Variants in NBEA observed in about 807,000 individuals in gnomAD.
NBEA encodes neurobeachin.
NBEA carries 44 observed loss-of-function variants against 343.4 expected under a neutral mutation model. That is an observed-to-expected ratio of 0.13 (90% confidence interval 0.10 to 0.16). NBEA has a LOEUF of 0.16. Ranked by LOEUF, NBEA falls within the 10% of genes least tolerant of loss-of-function variation. The pLI is 1.00. For synonymous variants in NBEA, 1,175 were observed against 1,238.7 expected (o/e 0.95, Z 1.08); for missense variants, 2,555 against 3,631.3 (o/e 0.70, Z 7.62).
intron 41 of NBEA, among the ~76,000 whole-genome samples, chr13:35,517,692 G>A (rs527368215): frequency 2.0e-5 from 3 of 152,122 alleles, no homozygotes; most frequent in South Asian, 2.1e-4. Flanking sequence ...CCAATCAAAC[G>A]TGTGTATTTC....
At chr13:35,459,282 C>G (rs887307368) in intron 40 of NBEA, among the ~76,000 whole-genome samples, 5 of 151,868 alleles carry the variant, frequency 3.3e-5, no homozygotes, top group African/African-American at 1.2e-4. Flanking sequence ...AGCTATTGTT[C>G]TACTAGTTCA....
intron 27 of NBEA, among the ~76,000 whole-genome samples, chr13:35,176,476 A>G (rs1457698803): frequency 2.0e-5 from 3 of 152,082 alleles, no homozygotes; most frequent in Non-Finnish European, 4.4e-5. Context: ...TCCTCCAACT[A>G]TAAAATGTTT....
intron 1 of NBEA, among the ~76,000 whole-genome samples, chr13:34,957,811 C>G (rs2059545726): frequency 6.6e-6 from 1 of 152,096 alleles, no homozygotes; most frequent in Admixed American, 6.6e-5. Flanking sequence ...CCTAGCTAAT[C>G]TTAAATAACT....
chr13:35,392,647 T>C (rs971141599), intron 38 of NBEA, among the ~76,000 whole-genome samples: 4 of 152,164 alleles, frequency 2.6e-5, no homozygotes, highest in Admixed American at 6.6e-5. Context: ...AGAAAAACTA[T>C]GATTTGCAAA....
intron 38 of NBEA, among the ~76,000 whole-genome samples, chr13:35,426,300 C>A (rs1351020962): frequency 2.0e-5 from 3 of 152,088 alleles, no homozygotes; most frequent in Admixed American, 1.3e-4. Context: ...TGTTCCTTTC[C>A]ATGTTTAGTG....
At chr13:35,495,020 A>C (rs2076628011) in intron 41 of NBEA, among the ~76,000 whole-genome samples, 1 of 151,976 alleles carries the variant, frequency 6.6e-6, no homozygotes, top group African/African-American at 2.4e-5. Context: ...AAAAAAAAGA[A>C]AAGAAAAGAA....
chr13:34,951,279 A>G (rs899303314), intron 1 of NBEA, among the ~76,000 whole-genome samples: 1 of 152,258 alleles, frequency 6.6e-6, no homozygotes, highest in Non-Finnish European at 1.5e-5. Flanking sequence ...ATGAAATAAC[A>G]TACAGCTATT....
chr13:35,013,359 T>C (rs1227423071), intron 1 of NBEA, among the ~76,000 whole-genome samples: 1 of 152,164 alleles, frequency 6.6e-6, no homozygotes, highest in Non-Finnish European at 1.5e-5. Flanking sequence ...GGAAAAAATA[T>C]AAAGATAAAT....
chr13:35,125,117 T>G (rs2067047748), intron 17 of NBEA, among the ~76,000 whole-genome samples: 2 of 152,178 alleles, frequency 1.3e-5, no homozygotes. Flanking sequence ...GATAGCCTAT[T>G]TTCCCCCTTT....
chr13:35,182,534 T>A lies in NBEA; in HGVS notation c.4831+6T>A. The stretch of plus-strand genomic sequence containing the variant: ...AAATTCACCAACAAGTACAGGTACT[T>A]AACATTGTATAATTATTTGAATTTT... On this transcript the variant is annotated splice_donor_region_variant and intron_variant, in intron 29 of 58. Transcript: ENST00000379939. 1 of 1,597,684 alleles carries A rather than the reference T, an allele frequency of 6.3e-7. No homozygotes were observed. The highest frequency in any genetic ancestry group is 8.5e-7 in the Non-Finnish European group (1 of 1,172,712).
rs545711073 is a variant in NBEA, at chr13:35,327,979, A to G, written c.5903+18387A>G. Among the ~76,000 whole-genome samples the G allele has an allele frequency of 3.3e-5, 5 of 152,052 alleles. No individual in the cohort carries two copies. In the South Asian group the frequency reaches 8.3e-4, roughly 25 times the overall value. ...CTCAATATGAGTGGCATCTGCAAAA[A>G]ACATATAGCTAACATTTTAATGCAT... On this transcript the variant is annotated intron_variant, in intron 36 of 58. Transcript: ENST00000379939.
intron 1 of NBEA, among the ~76,000 whole-genome samples, chr13:35,026,919 A>T (rs996187703): frequency 1.3e-5 from 2 of 152,052 alleles, no homozygotes; most frequent in African/African-American, 4.8e-5. Flanking sequence ...TCATAACCCT[A>T]ACTCTTGGTA....
intron 38 of NBEA, among the ~76,000 whole-genome samples, chr13:35,373,668 G>C (rs1239187523): frequency 6.6e-6 from 1 of 151,388 alleles, no homozygotes; most frequent in Admixed American, 6.6e-5. Context: ...TGGCGCCACT[G>C]CACTCCAGCC....
intron 35 of NBEA, among the ~76,000 whole-genome samples, chr13:35,292,443 T>C (rs2035860367): frequency 6.6e-6 from 1 of 152,048 alleles, no homozygotes; most frequent in Non-Finnish European, 1.5e-5. Context: ...CATAGCTCTC[T>C]CCAAAGCAGT....
intron 48 of NBEA, among the ~76,000 whole-genome samples, chr13:35,607,994 C>G (rs1200885075): frequency 6.6e-6 from 1 of 152,042 alleles, no homozygotes; most frequent in African/African-American, 2.4e-5. Context: ...ATATGGGGTT[C>G]TCCTCCCCTC....
At chr13:35,264,720 T>A (rs8002891) in intron 34 of NBEA, among the ~76,000 whole-genome samples, 54,700 of 151,652 alleles carry the variant, frequency 0.36, 12,453 homozygotes, top group African/African-American at 0.65. Flanking sequence ...AGAAAGTCTC[T>A]ACAACTTCAG....
intron 46 of NBEA, among the ~76,000 whole-genome samples, chr13:35,586,064 T>C (rs973900275): frequency 6.6e-6 from 1 of 152,196 alleles, no homozygotes; most frequent in Non-Finnish European, 1.5e-5. Flanking sequence ...TCTTAATCAA[T>C]AATTTTTCCC....
At chr13:35,336,403 A>G (rs1201288959) in intron 36 of NBEA, among the ~76,000 whole-genome samples, 1 of 152,070 alleles carries the variant, frequency 6.6e-6, no homozygotes, top group East Asian at 1.9e-4. Flanking sequence ...AGTCAAAGAG[A>G]TATGCTTATA....
chr13:35,540,649 G>A (rs1308221810), intron 41 of NBEA, among the ~76,000 whole-genome samples: 1 of 151,884 alleles, frequency 6.6e-6, no homozygotes, highest in Non-Finnish European at 1.5e-5. Context: ...AACTCAGTTT[G>A]TTTGTAAATT....
Sources: gnomAD v4.1 joint callset for allele counts (sites outside exome capture counted in the v4.1 genomes callset) on GRCh38, gnomAD v4.1.1 for gene constraint, MANE v1.5 for transcripts, NCBI Gene and HGNC (gene_info 2026-07-23, HGNC 2026-07-21) for gene names.